Variants in CTNNA3 observed in about 807,000 individuals in gnomAD.
CTNNA3 encodes the protein catenin alpha-3.
A neutral mutation model predicts 95.7 loss-of-function variants in CTNNA3; 76 were observed. That is an observed-to-expected ratio of 0.79 (90% CI 0.66 to 0.96). The LOEUF (loss-of-function observed/expected upper bound fraction) is 0.96. Ranked by LOEUF, CTNNA3 falls within the 40% of genes least tolerant of loss-of-function variation. The probability of loss-of-function intolerance (pLI) is 0.00; values close to 1 mark genes in which losing one functional copy is unlikely to be tolerated. For synonymous variants in CTNNA3, 431 were observed against 374.4 expected (o/e 1.15, Z -1.74); for missense variants, 1,191 against 1,089.8 (o/e 1.09, Z -1.31).
intron 12 of CTNNA3, among the ~76,000 whole-genome samples, chr10:66,302,197 C>T (rs189445756): frequency 3.3e-5 from 5 of 151,994 alleles, no homozygotes; most frequent in African/African-American, 4.8e-5. Flanking sequence ...GAGTGAGTTC[C>T]GGTGCCTAGA....
At chr10:66,797,315 AACT>A (rs1289445306) in intron 7 of CTNNA3, among the ~76,000 whole-genome samples, 2 of 151,792 alleles carry the variant, frequency 1.3e-5, no homozygotes, top group African/African-American at 4.8e-5. Flanking sequence ...GTGGTACTTA[AACT>A]ATGGTTCCCA....
intron 13 of CTNNA3, among the ~76,000 whole-genome samples, chr10:66,248,827 G>A (rs908540965): frequency 6.6e-6 from 1 of 152,018 alleles, no homozygotes; most frequent in Non-Finnish European, 1.5e-5. Flanking sequence ...TTTTAGTATT[G>A]GACAGATCTT....
intron 16 of CTNNA3, among the ~76,000 whole-genome samples, chr10:65,969,476 G>A (rs1227836484): frequency 6.6e-6 from 1 of 152,134 alleles, no homozygotes. Flanking sequence ...AGTGTGGATT[G>A]CAAGGAAGCT....
At chr10:66,692,164 C>T (rs1400178806) in intron 9 of CTNNA3, among the ~76,000 whole-genome samples, 7 of 151,852 alleles carry the variant, frequency 4.6e-5, no homozygotes, top group Admixed American at 3.3e-4. Flanking sequence ...CAAACTACTC[C>T]GAGCTACAGG....
At chr10:65,992,126 G>C (rs2078559150) in intron 15 of CTNNA3, among the ~76,000 whole-genome samples, 1 of 151,838 alleles carries the variant, frequency 6.6e-6, no homozygotes, top group Admixed American at 6.6e-5. Context: ...TTATCTTTTT[G>C]GTGTGCTGTT....
chr10:66,687,600 C>T (rs10822875), intron 9 of CTNNA3, among the ~76,000 whole-genome samples: 1 of 151,502 alleles, frequency 6.6e-6, no homozygotes, highest in Non-Finnish European at 1.5e-5. Flanking sequence ...AATGAAGAAG[C>T]CTGAGGAGAG....
At chr10:66,941,601 A>G (rs531540061) in intron 7 of CTNNA3, among the ~76,000 whole-genome samples, 66 of 152,306 alleles carry the variant, frequency 4.3e-4, no homozygotes, top group Middle Eastern at 6.8e-3. Flanking sequence ...CATAAAAGCT[A>G]TTTGTCAAAT....
chr10:66,770,471 T>A (rs1374232861), intron 8 of CTNNA3, among the ~76,000 whole-genome samples: 1 of 152,166 alleles, frequency 6.6e-6, no homozygotes, highest in East Asian at 1.9e-4. Context: ...GATACATACT[T>A]TCAATAAATA....
chr10:66,768,666 A>G (rs1316874407), intron 8 of CTNNA3, among the ~76,000 whole-genome samples: 1 of 152,116 alleles, frequency 6.6e-6, no homozygotes, highest in Admixed American at 6.6e-5. Flanking sequence ...CTACCAAGAG[A>G]AAGGTATTGA....
At chr10:66,607,591 T>C (rs1264695028) in intron 10 of CTNNA3, among the ~76,000 whole-genome samples, 1 of 147,152 alleles carries the variant, frequency 6.8e-6, no homozygotes, top group Non-Finnish European at 1.5e-5. Flanking sequence ...CAGCAGCACA[T>C]CAAAAAGCAA....
At chr10:67,634,783 C>G (rs1219319901) in intron 2 of CTNNA3, among the ~76,000 whole-genome samples, 2 of 152,112 alleles carry the variant, frequency 1.3e-5, no homozygotes, top group African/African-American at 4.8e-5. Context: ...GCTAACTATC[C>G]TATATACATA....
At chr10:66,361,045 C>A (rs1203346094) in intron 12 of CTNNA3, among the ~76,000 whole-genome samples, 1 of 151,486 alleles carries the variant, frequency 6.6e-6, no homozygotes, top group Non-Finnish European at 1.5e-5. Flanking sequence ...CATCCTTGAA[C>A]TCCTGGGCTC....
intron 13 of CTNNA3, among the ~76,000 whole-genome samples, chr10:66,116,944 C>T (rs1248096193): frequency 6.6e-6 from 1 of 152,172 alleles, no homozygotes; most frequent in East Asian, 1.9e-4. Context: ...CACCACCCCC[C>T]CAGGCCCCTC....
intron 13 of CTNNA3, among the ~76,000 whole-genome samples, chr10:66,170,642 G>C (rs1319340376): frequency 2.0e-5 from 3 of 151,448 alleles, no homozygotes; most frequent in Admixed American, 6.6e-5. Flanking sequence ...AAGAAAAAAG[G>C]CACCAAGTAG....
chr10:67,539,452 A>C (rs1275337341), intron 4 of CTNNA3, 51 bp downstream of exon 4: 1 of 1,593,098 alleles, frequency 6.3e-7, no homozygotes, highest in East Asian at 2.2e-5. Flanking sequence ...TCAGAGAATG[A>C]AATTAGAAGT....
intron 7 of CTNNA3, among the ~76,000 whole-genome samples, chr10:67,031,903 C>T (rs765115726): frequency 2.3e-4 from 35 of 152,134 alleles, no homozygotes; most frequent in Non-Finnish European, 3.4e-4. Flanking sequence ...GCAATAATGG[C>T]ATTCTAATTC....
chr10:66,017,502 T>C (rs1335034571), intron 15 of CTNNA3, among the ~76,000 whole-genome samples: 2 of 152,096 alleles, frequency 1.3e-5, no homozygotes, highest in African/African-American at 2.4e-5. Context: ...ATTAATATTA[T>C]TGAATGAATT....
intron 9 of CTNNA3, among the ~76,000 whole-genome samples, chr10:66,721,188 C>A (rs1195850238): frequency 1.3e-5 from 2 of 152,016 alleles, no homozygotes; most frequent in East Asian, 3.9e-4. Flanking sequence ...GAAAGAGACC[C>A]AAGGGTGTGG....
At chr10:65,992,658 G>T (rs1481458705) in intron 15 of CTNNA3, among the ~76,000 whole-genome samples, 2 of 151,936 alleles carry the variant, frequency 1.3e-5, no homozygotes, top group African/African-American at 2.4e-5. Flanking sequence ...TTGCTAGCAG[G>T]TTATTTAATT....
Sources: gnomAD v4.1 joint callset for allele counts (sites outside exome capture counted in the v4.1 genomes callset) on GRCh38, gnomAD v4.1.1 for gene constraint, MANE v1.5 for transcripts, NCBI Gene and HGNC (gene_info 2026-07-23, HGNC 2026-07-21) for gene names.